Variants in ADAMTS6 observed in about 807,000 individuals in gnomAD.
ADAMTS6 encodes the protein ADAM metallopeptidase with thrombospondin type 1 motif 6, also known as A disintegrin and metalloproteinase with thrombospondin motifs 6.
ADAMTS6 carries 23 observed loss-of-function variants against 144.3 expected under a neutral mutation model. The observed-to-expected ratio is 0.16, with a 90% CI of 0.11 to 0.23. ADAMTS6 has a LOEUF of 0.23. Ranked by LOEUF, ADAMTS6 falls within the 10% of genes least tolerant of loss-of-function variation. The pLI is 1.00. For synonymous variants in ADAMTS6, 444 were observed against 457.5 expected, an observed-to-expected ratio of 0.97 and a Z score of 0.38; for missense variants, 999 against 1,379.6, an observed-to-expected ratio of 0.72 and a Z score of 4.37.
chr5:65,318,748 G>A (rs956431085), intron 9 of ADAMTS6, among the ~76,000 whole-genome samples: 1 of 152,074 alleles, frequency 6.6e-6, no homozygotes, highest in Non-Finnish European at 1.5e-5. Flanking sequence ...AGTTGGGGAG[G>A]GTGGGGGATG....
intron 7 of ADAMTS6, among the ~76,000 whole-genome samples, chr5:65,381,356 G>A (rs1276894601): frequency 1.3e-5 from 2 of 150,440 alleles, no homozygotes; most frequent in Non-Finnish European, 3.0e-5. Context: ...AAACTATGAA[G>A]GATTATATCT....
At chr5:65,425,245 C>T (rs1756409874) in intron 7 of ADAMTS6, among the ~76,000 whole-genome samples, 1 of 152,212 alleles carries the variant, frequency 6.6e-6, no homozygotes, top group African/African-American at 2.4e-5. Context: ...CAAGGCTGGT[C>T]TTGAACTCCT....
At chr5:65,245,764 T>C (rs1437020995) in intron 14 of ADAMTS6, among the ~76,000 whole-genome samples, 1 of 152,152 alleles carries the variant, frequency 6.6e-6, no homozygotes, top group Non-Finnish European at 1.5e-5. Context: ...TGTGTCTCTG[T>C]TGCAACTACT....
chr5:65,387,796 T>C (rs1357055707), intron 7 of ADAMTS6, among the ~76,000 whole-genome samples: 1 of 152,190 alleles, frequency 6.6e-6, no homozygotes, highest in Non-Finnish European at 1.5e-5. Flanking sequence ...TACTATATAC[T>C]ACCACAAATG....
In ADAMTS6 at chr5:65,380,160, T is replaced by C. The variant is rs143693033; in HGVS notation, c.1074-46075A>G. ...GACAGCCATTTCACCAGCATACCAC[T>C]GAGAATGCTGTATAGGTTCTGCATC... On this transcript the variant is annotated intron_variant, in intron 7 of 24. Transcript: ENST00000381055. Among the ~76,000 whole-genome samples, 188 of 152,288 alleles carry C rather than the reference T, an allele frequency of 1.2e-3. 1 individual carries two copies. The highest frequency in any genetic ancestry group is 3.6e-3 in the African/African-American group (148 of 41,558).
intron 7 of ADAMTS6, among the ~76,000 whole-genome samples, chr5:65,362,044 A>C (rs1262053304): frequency 6.6e-6 from 1 of 152,208 alleles, no homozygotes; most frequent in African/African-American, 2.4e-5. Flanking sequence ...CTACCATGGT[A>C]ATTTTTAATT....
intron 9 of ADAMTS6, among the ~76,000 whole-genome samples, chr5:65,301,557 T>C (rs1743374228): frequency 6.6e-6 from 1 of 152,150 alleles, no homozygotes. Context: ...TCAGGGAATA[T>C]GGAATTGATC....
intron 12 of ADAMTS6, among the ~76,000 whole-genome samples, chr5:65,269,450 C>T (rs1012771722): frequency 1.3e-5 from 2 of 152,018 alleles, no homozygotes; most frequent in African/African-American, 2.4e-5. Context: ...TACTAAAGGG[C>T]GAAATACACT....
intron 11 of ADAMTS6, among the ~76,000 whole-genome samples, chr5:65,277,995 C>T (rs1221156728): frequency 1.3e-5 from 2 of 150,402 alleles, no homozygotes; most frequent in Non-Finnish European, 3.0e-5. Flanking sequence ...CACCCTCCCC[C>T]TTGAGTCTCT....
At chr5:65,353,011 T>C (rs1354196449) in intron 7 of ADAMTS6, among the ~76,000 whole-genome samples, 2 of 151,994 alleles carry the variant, frequency 1.3e-5, no homozygotes, top group Non-Finnish European at 2.9e-5. Flanking sequence ...ATGAATAACT[T>C]CTTTCTACCT....
intron 17 of ADAMTS6, 99 bp downstream of exon 17, chr5:65,224,825 T>C: frequency 1.4e-6 from 2 of 1,388,962 alleles, no homozygotes; most frequent in South Asian, 3.2e-5. Context: ...ATTGTCTGCC[T>C]AAATAAAGAA....
chr5:65,469,404 A>G (rs1199786456), intron 3 of ADAMTS6, among the ~76,000 whole-genome samples: 1 of 152,232 alleles, frequency 6.6e-6, no homozygotes, highest in Non-Finnish European at 1.5e-5. Flanking sequence ...ATTAATGTTA[A>G]TGCCAAACAT....
intron 8 of ADAMTS6, among the ~76,000 whole-genome samples, chr5:65,330,235 G>T (rs1227991667): frequency 1.3e-5 from 2 of 152,070 alleles, no homozygotes; most frequent in East Asian, 3.9e-4. Context: ...TCCCCTTGGG[G>T]ATTTTAGTAT....
chr5:65,210,173 C>A (rs1756402791), intron 20 of ADAMTS6: 1 of 206,774 alleles, frequency 4.8e-6, no homozygotes, highest in Non-Finnish European at 1.0e-5. Context: ...TGAAGGCCGG[C>A]CGGGCGCGGT....
chr5:65,291,714 G>T (rs1233805822), intron 10 of ADAMTS6, among the ~76,000 whole-genome samples: 1 of 151,954 alleles, frequency 6.6e-6, no homozygotes, highest in East Asian at 1.9e-4. Context: ...AAAATGTCAC[G>T]TTGGCCTTGA....
chr5:65,292,556 T>C (rs1742424580), intron 10 of ADAMTS6, among the ~76,000 whole-genome samples: 1 of 152,138 alleles, frequency 6.6e-6, no homozygotes, highest in Non-Finnish European at 1.5e-5. Context: ...AAGTTTCTCA[T>C]ATTCTTAACA....
intron 15 of ADAMTS6, among the ~76,000 whole-genome samples, chr5:65,231,392 A>G (rs1164177126): frequency 3.7e-4 from 57 of 152,158 alleles, no homozygotes; most frequent in Non-Finnish European, 4.4e-5. Flanking sequence ...ATAAAGCAAT[A>G]TTAAAATACA....
intron 7 of ADAMTS6, among the ~76,000 whole-genome samples, chr5:65,377,194 C>T (rs1217196929): frequency 2.4e-4 from 36 of 152,060 alleles, no homozygotes; most frequent in Non-Finnish European, 2.9e-5. Flanking sequence ...GAGACAAGTA[C>T]TTCCTTCTCT....
At chr5:65,365,514 G>C (rs1013007331) in intron 7 of ADAMTS6, among the ~76,000 whole-genome samples, 9 of 152,000 alleles carry the variant, frequency 5.9e-5, no homozygotes, top group Non-Finnish European at 1.3e-4. Flanking sequence ...AGTCATGGTG[G>C]CACATGCCTG....
Sources: allele counts gnomAD v4.1 joint callset (sites outside exome capture counted in the v4.1 genomes callset), GRCh38; gene constraint gnomAD v4.1.1; transcripts MANE v1.5; gene names NCBI Gene and HGNC (gene_info 2026-07-23, HGNC 2026-07-21).